The following MSRA variants were observed in gnomAD, a reference collection of about 807,000 sequenced individuals.
The protein encoded by MSRA is mitochondrial peptide methionine sulfoxide reductase.
Under a neutral mutation model 31.3 loss-of-function variants are expected in MSRA, and 54 were observed. The ratio of observed to expected loss-of-function variants is 1.73; its 90% CI spans 1.39 to 2.17. MSRA has a LOEUF of 2.17. Among genes scored for constraint, MSRA ranks in the 30% most tolerant of loss-of-function variants. MSRA has a pLI of 0.00. For synonymous variants in MSRA, 169 were observed against 116.5 expected (o/e 1.45, Z -2.90); for missense variants, 507 against 300.9 (o/e 1.69, Z -5.07).
intron 5 of MSRA, among the ~76,000 whole-genome samples, chr8:10,378,634 G>A (rs142438769): frequency 6.1e-4 from 93 of 152,226 alleles, no homozygotes; most frequent in African/African-American, 2.0e-3. Context: ...CAGCAGCTCC[G>A]CGTCCCTTCT....
chr8:10,177,823 A>C (rs1202022342), intron 1 of MSRA, among the ~76,000 whole-genome samples: 2 of 152,220 alleles, frequency 1.3e-5, no homozygotes, highest in African/African-American at 4.8e-5. Context: ...TGAAAGTTCA[A>C]GTTACCTGCA....
At chr8:10,324,457 G>T (rs1204136332) in intron 5 of MSRA, among the ~76,000 whole-genome samples, 1 of 152,138 alleles carries the variant, frequency 6.6e-6, no homozygotes, top group Non-Finnish European at 1.5e-5. Flanking sequence ...CGGAACATGG[G>T]TTCCTGCCCA....
intron 1 of MSRA, among the ~76,000 whole-genome samples, chr8:10,080,560 C>G (rs934596213): frequency 3.9e-5 from 6 of 152,046 alleles, no homozygotes; most frequent in African/African-American, 1.4e-4. Context: ...AGGTCTCACT[C>G]TGGAGTGGAG....
At chr8:10,325,272 T>G (rs1802295973) in intron 5 of MSRA, among the ~76,000 whole-genome samples, 2 of 152,168 alleles carry the variant, frequency 1.3e-5, no homozygotes, top group African/African-American at 2.4e-5. Flanking sequence ...TGCATCCTGC[T>G]GCAGTCATAT....
At chr8:10,316,557 TCTC>T (rs1257138571) in intron 4 of MSRA, among the ~76,000 whole-genome samples, 2 of 108,662 alleles carry the variant, frequency 1.8e-5, no homozygotes, top group South Asian at 4.9e-4. Context: ...TCTCTCTCTC[TCTC>T]TCTCTCTCTC....
intron 1 of MSRA, among the ~76,000 whole-genome samples, chr8:10,145,755 C>A (rs774618128): frequency 6.6e-6 from 1 of 152,130 alleles, no homozygotes; most frequent in Non-Finnish European, 1.5e-5. Context: ...GTATAACTGT[C>A]CTGGCTCACT....
chr8:10,316,678 C>A (rs555102279), intron 4 of MSRA, among the ~76,000 whole-genome samples: 1 of 151,844 alleles, frequency 6.6e-6, no homozygotes, highest in Non-Finnish European at 1.5e-5. Context: ...AATGAGCTGT[C>A]AGTTAAAATG....
intron 4 of MSRA, among the ~76,000 whole-genome samples, chr8:10,314,034 A>G (rs1404192585): frequency 3.3e-5 from 5 of 152,220 alleles, no homozygotes; most frequent in Admixed American, 1.3e-4. Flanking sequence ...CATAAATGTC[A>G]AAGGCAAACG....
At chr8:10,293,822 G>A (rs1340775244) in intron 3 of MSRA, among the ~76,000 whole-genome samples, 1 of 152,134 alleles carries the variant, frequency 6.6e-6, no homozygotes, top group Admixed American at 6.5e-5. Flanking sequence ...AGCAGGTGCT[G>A]GGACACAGGA....
intron 5 of MSRA, among the ~76,000 whole-genome samples, chr8:10,381,674 G>T (rs898069309): frequency 2.4e-4 from 37 of 152,196 alleles, no homozygotes; most frequent in African/African-American, 8.7e-4. Flanking sequence ...TGACCCACAG[G>T]ATGGAGCACT....
At chr8:10,355,164 C>G (rs889916459) in intron 5 of MSRA, among the ~76,000 whole-genome samples, 1 of 152,226 alleles carries the variant, frequency 6.6e-6, no homozygotes, top group African/African-American at 2.4e-5. Flanking sequence ...CACTACGATG[C>G]CCCCAGCCTT....
chr8:10,132,032 A>C (rs1157270024), intron 1 of MSRA, among the ~76,000 whole-genome samples: 1 of 152,226 alleles, frequency 6.6e-6, no homozygotes, highest in Non-Finnish European at 1.5e-5. Flanking sequence ...ATAAAGGGAA[A>C]GACAGAGAAG....
intron 2 of MSRA, among the ~76,000 whole-genome samples, chr8:10,225,188 A>G (rs1449338342): frequency 6.6e-6 from 1 of 152,214 alleles, no homozygotes; most frequent in African/African-American, 2.4e-5. Flanking sequence ...ACCTGTGTTG[A>G]GGCCTTGTCA....
At chr8:10,096,732 A>G (rs935954849) in intron 1 of MSRA, among the ~76,000 whole-genome samples, 6 of 152,102 alleles carry the variant, frequency 3.9e-5, no homozygotes, top group South Asian at 2.1e-4. Flanking sequence ...AATCTTTCCT[A>G]TTAGGCCTGA....
chr8:10,380,755 C>G (rs980808756), intron 5 of MSRA, among the ~76,000 whole-genome samples: 1 of 151,776 alleles, frequency 6.6e-6, no homozygotes, highest in Admixed American at 6.6e-5. Flanking sequence ...GATGCATGGA[C>G]ACATGGATGG....
At chr8:10,193,099 A>G (rs1269765632) in intron 1 of MSRA, among the ~76,000 whole-genome samples, 1 of 152,212 alleles carries the variant, frequency 6.6e-6, no homozygotes, top group Admixed American at 6.5e-5. Flanking sequence ...TCAAGACATA[A>G]TTCTCCTCGA....
At chr8:10,286,586 A>C (rs1799950781) in intron 3 of MSRA, among the ~76,000 whole-genome samples, 1 of 152,244 alleles carries the variant, frequency 6.6e-6, no homozygotes, top group Admixed American at 6.5e-5. Context: ...AAAACAGACT[A>C]ATACAAACAT....
chr8:10,207,957 T>G, intron 2 of MSRA, 56 bp downstream of exon 2: 1 of 1,444,592 alleles, frequency 6.9e-7, no homozygotes. Context: ...TAGTGCCAAA[T>G]TTCTTAGTTT....
chr8:10,392,480 C>T (rs1378803095), intron 5 of MSRA, among the ~76,000 whole-genome samples: 2 of 152,130 alleles, frequency 1.3e-5, no homozygotes, highest in Non-Finnish European at 1.5e-5. Context: ...CAACCTGCTC[C>T]TGCCCAGAGC....
Sources: allele counts gnomAD v4.1 joint callset (sites outside exome capture counted in the v4.1 genomes callset), GRCh38; gene constraint gnomAD v4.1.1; transcripts MANE v1.5; gene names NCBI Gene and HGNC (gene_info 2026-07-23, HGNC 2026-07-21).